Variants in STIM1 observed in about 807,000 individuals in gnomAD.
STIM1 encodes stromal interaction molecule 1.
Under a neutral mutation model 74.7 loss-of-function variants are expected in STIM1, and 25 were observed. The observed-to-expected ratio is 0.33, with a 90% confidence interval of 0.24 to 0.47. STIM1 has a LOEUF of 0.47. STIM1 is among the 20% of genes least tolerant of loss of function. The pLI is 1.00. For missense variants in STIM1, 728 were observed against 920.8 expected, an observed-to-expected ratio of 0.79 and a Z score of 2.71; for synonymous variants, 328 against 348.8, an observed-to-expected ratio of 0.94 and a Z score of 0.66.
intron 3 of STIM1, among the ~76,000 whole-genome samples, chr11:4,053,359 A>G (rs1379210072): frequency 1.3e-5 from 2 of 152,262 alleles, no homozygotes; most frequent in Non-Finnish European, 2.9e-5. Context: ...AGATTGGATT[A>G]AGAAGATGTG....
At chr11:3,858,740 A>G (rs2090486201) in intron 1 of STIM1, among the ~76,000 whole-genome samples, 1 of 152,210 alleles carries the variant, frequency 6.6e-6, no homozygotes. Flanking sequence ...TAAAAATCAG[A>G]TTCAACATAC....
intron 2 of STIM1, among the ~76,000 whole-genome samples, chr11:3,985,900 A>G (rs538126956): frequency 1.8e-4 from 28 of 152,322 alleles, no homozygotes; most frequent in African/African-American, 6.3e-4. Flanking sequence ...AGCATTAAGA[A>G]GAATTGTCTG....
Position 4,057,734 on chromosome 11 carries a change from G to A in STIM1, c.498-1547G>A, listed in dbSNP as rs2094301233. ...AAATACAAAAAATTAGCCAGGCGTG[G>A]TGGCAGGTGCCTGTAGTCCCAGCTA... is the stretch of plus-strand genomic sequence containing the variant. On this transcript the variant is annotated intron_variant, in intron 4 of 12. Coordinates refer to ENST00000526596, the MANE Select transcript of STIM1 (RefSeq NM_001382567.1). Among the ~76,000 whole-genome samples the A allele has an allele frequency of 2.0e-5, 3 of 152,262 alleles. No individual in the cohort carries two copies. In the South Asian group the frequency reaches 6.2e-4, roughly 32 times the overall value.
chr11:4,025,020 T>G (rs779805892), intron 3 of STIM1, among the ~76,000 whole-genome samples: 15 of 152,142 alleles, frequency 9.9e-5, no homozygotes, highest in Admixed American at 2.6e-4. Flanking sequence ...GATCCCTGGT[T>G]TTTATTTGAG....
intron 2 of STIM1, among the ~76,000 whole-genome samples, chr11:4,010,462 C>T (rs554983247): frequency 1.6e-4 from 24 of 152,248 alleles, no homozygotes; most frequent in African/African-American, 4.6e-4. Flanking sequence ...TGAGCCACTG[C>T]GCCCGGCCAA....
chr11:3,900,462 G>C (rs2092319404), intron 1 of STIM1, among the ~76,000 whole-genome samples: 2 of 152,156 alleles, frequency 1.3e-5, no homozygotes, highest in Non-Finnish European at 2.9e-5. Context: ...CCACTGTCTG[G>C]CACTCCCCAG....
intron 11 of STIM1, 127 bp downstream of exon 11, chr11:4,084,892 T>C: frequency 1.5e-6 from 1 of 687,456 alleles, no homozygotes; most frequent in Non-Finnish European, 2.2e-6. Flanking sequence ...CCCTCAGCAC[T>C]GTCCCTACTA....
At chr11:4,059,633 C>T (rs1423206795) in intron 5 of STIM1, among the ~76,000 whole-genome samples, 2 of 152,178 alleles carry the variant, frequency 1.3e-5, no homozygotes, top group Non-Finnish European at 2.9e-5. Flanking sequence ...GTGCTGGACC[C>T]TGTAGGAAGA....
intron 2 of STIM1, among the ~76,000 whole-genome samples, chr11:3,968,062 G>A (rs2093356898): frequency 6.6e-6 from 1 of 152,168 alleles, no homozygotes; most frequent in Non-Finnish European, 1.5e-5. Flanking sequence ...GTTGGCATGA[G>A]GGATAGAAGA....
chr11:4,041,349 G>A (rs1312619015), intron 3 of STIM1, among the ~76,000 whole-genome samples: 3 of 152,152 alleles, frequency 2.0e-5, no homozygotes. Context: ...TTACCTGCTA[G>A]AGTAGAAGCC....
chr11:4,020,314 G>A (rs759537776), intron 2 of STIM1, among the ~76,000 whole-genome samples: 3 of 152,128 alleles, frequency 2.0e-5, no homozygotes, highest in Non-Finnish European at 4.4e-5. Context: ...GATGTGTACC[G>A]AATAGTGGGA....
intron 5 of STIM1, among the ~76,000 whole-genome samples, chr11:4,064,150 T>C (rs2094350252): frequency 6.6e-6 from 1 of 152,230 alleles, no homozygotes; most frequent in Non-Finnish European, 1.5e-5. Flanking sequence ...GCAGCTGTCC[T>C]GATGGCAAAT....
chr11:4,027,306 T>A (rs2094005468), intron 3 of STIM1, among the ~76,000 whole-genome samples: 1 of 151,970 alleles, frequency 6.6e-6, no homozygotes, highest in South Asian at 2.1e-4. Flanking sequence ...TCGCCTTTTC[T>A]TTTTTTTCTT....
intron 3 of STIM1, among the ~76,000 whole-genome samples, chr11:4,030,154 C>T (rs1347621001): frequency 6.6e-6 from 1 of 151,934 alleles, no homozygotes; most frequent in African/African-American, 2.4e-5. Context: ...CATGGTGAAA[C>T]CCTGTCTCTA....
chr11:3,885,786 A>G (rs138012672), intron 1 of STIM1, among the ~76,000 whole-genome samples: 1 of 152,188 alleles, frequency 6.6e-6, no homozygotes, highest in Non-Finnish European at 1.5e-5. Context: ...TGCAGGCATG[A>G]GCAACCACAC....
chr11:4,027,611 G>A (rs1049758187), intron 3 of STIM1, among the ~76,000 whole-genome samples: 1 of 152,174 alleles, frequency 6.6e-6, no homozygotes, highest in Non-Finnish European at 1.5e-5. Flanking sequence ...ACCGTGCCTG[G>A]GGAATTGGCC....
chr11:4,047,586 A>T (rs1212944374), intron 3 of STIM1, among the ~76,000 whole-genome samples: 1 of 152,184 alleles, frequency 6.6e-6, no homozygotes, highest in African/African-American at 2.4e-5. Context: ...ACTGCACCCC[A>T]GCCTGGGTGG....
chr11:4,053,183 A>G (rs539876237), intron 3 of STIM1, among the ~76,000 whole-genome samples: 1 of 152,222 alleles, frequency 6.6e-6, no homozygotes, highest in Non-Finnish European at 1.5e-5. Flanking sequence ...TGATTCCTCA[A>G]GGATCTAGAA....
chr11:3,996,400 G>A (rs865842252), intron 2 of STIM1, among the ~76,000 whole-genome samples: 2 of 152,270 alleles, frequency 1.3e-5, no homozygotes, highest in Non-Finnish European at 2.9e-5. Flanking sequence ...TAAAGCTCTC[G>A]TCCTATGAGT....
Sources: allele counts gnomAD v4.1 joint callset (sites outside exome capture counted in the v4.1 genomes callset), GRCh38; gene constraint gnomAD v4.1.1; transcripts MANE v1.5; gene names NCBI Gene and HGNC (gene_info 2026-07-23, HGNC 2026-07-21).